Variants in ARMC9 observed in about 807,000 individuals in gnomAD.
ARMC9 encodes lisH domain-containing protein ARMC9.
ARMC9 carries 94 observed loss-of-function variants against 107.0 expected under a neutral mutation model. That is an observed-to-expected ratio of 0.88 (90% CI 0.74 to 1.04). ARMC9 has a LOEUF of 1.04. ARMC9 is among the 50% of genes least tolerant of loss of function. ARMC9 has a pLI of 0.00. For synonymous variants in ARMC9, 380 were observed against 396.9 expected, an observed-to-expected ratio of 0.96 and a Z score of 0.51; for missense variants, 942 against 1,030.1, an observed-to-expected ratio of 0.91 and a Z score of 1.17.
chr2:231,208,957 G>A (rs1038513408), intron 3 of ARMC9, among the ~76,000 whole-genome samples: 3 of 151,792 alleles, frequency 2.0e-5, no homozygotes, highest in Admixed American at 1.3e-4. Flanking sequence ...GCTGGAGTGC[G>A]GTGGTACGAT....
At chr2:231,298,910 G>C (rs1417545551) in intron 19 of ARMC9, among the ~76,000 whole-genome samples, 1 of 152,174 alleles carries the variant, frequency 6.6e-6, no homozygotes, top group East Asian at 1.9e-4. Context: ...CTCCAGCCTA[G>C]GCAACAAAGC....
At chr2:231,346,880 C>T (rs2044839136) in intron 21 of ARMC9, among the ~76,000 whole-genome samples, 1 of 152,138 alleles carries the variant, frequency 6.6e-6, no homozygotes, top group Non-Finnish European at 1.5e-5. Context: ...GAAGTAGCAA[C>T]AGGAACTAAT....
chr2:231,371,103 A>G (rs569059478), intron 24 of ARMC9: 1 of 472,630 alleles, frequency 2.1e-6, no homozygotes, highest in Non-Finnish European at 4.2e-6. Flanking sequence ...GAGGAGGTGC[A>G]GCAAATCCAG....
At chr2:231,269,479 G>A (rs1339581339) in intron 12 of ARMC9, among the ~76,000 whole-genome samples, 2 of 142,518 alleles carry the variant, frequency 1.4e-5, no homozygotes, top group African/African-American at 2.7e-5. Context: ...TCTGCCTCCT[G>A]GGTTCAAGCA....
chr2:231,361,159 C>T (rs768548356), intron 23 of ARMC9, among the ~76,000 whole-genome samples: 20 of 152,194 alleles, frequency 1.3e-4, no homozygotes, highest in Non-Finnish European at 2.4e-4. Context: ...AACTGCCAGG[C>T]GGACTTGTCC....
At position 231,291,383 on chromosome 2, in the gene ARMC9, A is replaced by C; in HGVS notation, c.1657A>C (p.Lys553Gln). 5 of 1,613,784 alleles carry C rather than the reference A, an allele frequency of 3.1e-6. No individual in the cohort carries two copies. Among genetic ancestry groups the C allele is most frequent in the Non-Finnish European group, 4.2e-6 (5 of 1,179,798 alleles). The change falls in exon 18 of 25, where the codon AAA becomes CAA. Residue 553 changes from lysine to glutamine, a missense_variant. Lys to Gln is a moderately conservative substitution (Grantham distance 53). Coordinates refer to ENST00000611582, the MANE Select transcript of ARMC9 (RefSeq NM_001352754.2). ...GGAAGACATCCTACGCTGCTTCATC[A>C]AAGAAGGCAATGCTGAAATGATCCG... is the stretch of plus-strand genomic sequence containing the variant. ...GMEDILRCFI[K>Q]EGNAEMIRQI...
rs571686949 is a variant in ARMC9 at position 231,234,647 on chromosome 2, A to G, written c.623-577A>G. ...GTCTCACTCTGTTGCCCAGTTGCCC[A>G]GGCTGGAGGACAGTGGCGCGATCTT... is the stretch of plus-strand genomic sequence containing the variant. On this transcript the variant is annotated intron_variant, in intron 7 of 24. Coordinates refer to ENST00000611582, the MANE Select transcript of ARMC9 (RefSeq NM_001352754.2). Among the ~76,000 whole-genome samples, 161 of 152,306 alleles carry G rather than the reference A, an allele frequency of 1.1e-3. 2 individuals carry two copies. The South Asian group carries it at 0.031, about 29-fold the overall frequency.
chr2:231,232,841 G>A (rs2035363010), intron 7 of ARMC9, among the ~76,000 whole-genome samples: 1 of 151,974 alleles, frequency 6.6e-6, no homozygotes, highest in Admixed American at 6.6e-5. Context: ...GATATTTTGG[G>A]TTTTTAATTA....
At chr2:231,309,040 C>G (rs2042191572) in intron 19 of ARMC9, among the ~76,000 whole-genome samples, 2 of 152,240 alleles carry the variant, frequency 1.3e-5, no homozygotes, top group South Asian at 4.1e-4. Context: ...TTAACCAAGT[C>G]AATAAAGAAA....
In ARMC9 at chr2:231,331,760, T is replaced by A. The variant is rs1729082; in HGVS notation, c.1774-33T>A. On this transcript the variant is annotated intron_variant, in intron 19 of 24. Coordinates refer to ENST00000611582, the MANE Select transcript of ARMC9 (RefSeq NM_001352754.2). ...CGCCTTGGGAGCTTGTGTCAGGGTG[T>A]CCATGGCATTCACCCCATGTCTCCT... 0.29 allele frequency: 458,120 copies of A among 1,580,694 alleles called. 67,742 individuals are homozygous for A. The highest frequency in any genetic ancestry group is 0.31 in the Middle Eastern group (1,861 of 5,998).
rs554468589 is a variant in ARMC9 at position 231,263,100 on chromosome 2, G to A, written c.1119+702G>A. 2.0e-5 allele frequency among the ~76,000 whole-genome samples: 3 copies of A among 152,280 alleles called. No individual in the cohort carries two copies. The East Asian group carries it at 5.8e-4, about 29-fold the overall frequency. ...ACCAAACTTCACTGGACAGGAGGAGGATCAGGATTTTGAATTTGGCACGTG... is the reference window on the plus strand; with the variant it reads ...ACCAAACTTCACTGGACAGGAGGAGAATCAGGATTTTGAATTTGGCACGTG... On this transcript the variant is annotated intron_variant, in intron 12 of 24. Transcript: ENST00000611582.
chr2:231,259,088 C>G lies in ARMC9; in HGVS notation c.1012C>G (p.Gln338Glu). ...TGACCGCTTGAAAGCCTTCTTGTTGCAGGCTCTGCGCTGGGTAGGTACCTT... is the reference window on the plus strand; with the variant it reads ...TGACCGCTTGAAAGCCTTCTTGTTGGAGGCTCTGCGCTGGGTAGGTACCTT... ...GSDRLKAFLL[Q>E]ALRWRLTTSH... is the part of the protein sequence containing the mutation. Residue 338 changes from glutamine to glutamate, a missense_variant, in exon 11 of 25, where the codon CAG becomes GAG. By Grantham distance (29) the Gln-to-Glu change is conservative. Transcript: ENST00000611582. 1 of 1,613,376 alleles carries G rather than the reference C, an allele frequency of 6.2e-7. No homozygotes were observed.
rs951579025 is a variant in ARMC9, at chr2:231,358,236, C to A, written c.2131+2302C>A. Among the ~76,000 whole-genome samples, 2 of 152,148 alleles carry A rather than the reference C, an allele frequency of 1.3e-5. No individual in the cohort carries two copies. The highest frequency in any genetic ancestry group is 1.5e-5 in the Non-Finnish European group (1 of 68,018). On this transcript the variant is annotated intron_variant, in intron 22 of 24. Coordinates refer to ENST00000611582, the MANE Select transcript of ARMC9 (RefSeq NM_001352754.2). The surrounding 1 kb of genome is among the most constrained non-coding windows in gnomAD (Gnocchi z 4.5). ...ACAGCAGGGAGTGGGCAGTGCTGGG[C>A]TGGGCATGGGCACCCCTGAGCCATG...
chr2:231,227,746 C>T (rs2034784015), intron 7 of ARMC9, among the ~76,000 whole-genome samples: 1 of 152,218 alleles, frequency 6.6e-6, no homozygotes, highest in Non-Finnish European at 1.5e-5. Flanking sequence ...TTGGGTTTGT[C>T]ACTCAAGATG....
intron 19 of ARMC9, among the ~76,000 whole-genome samples, chr2:231,298,630 G>C (rs1394288143): frequency 1.3e-5 from 2 of 152,148 alleles, no homozygotes; most frequent in African/African-American, 4.8e-5. Flanking sequence ...TCAGTTAGCT[G>C]CTTAGCAACT....
At chr2:231,354,834 G>C (rs75400388) in intron 21 of ARMC9, among the ~76,000 whole-genome samples, 1 of 152,216 alleles carries the variant, frequency 6.6e-6, no homozygotes, top group Non-Finnish European at 1.5e-5. Context: ...TTGCCTTACA[G>C]ATAACTGGAG....
At position 231,352,702 on chromosome 2, in the gene ARMC9, GATA is replaced by G. The variant is rs2045149612; in HGVS notation, c.1995-3095_1995-3093del. Among the ~76,000 whole-genome samples, 16 of 145,798 alleles carry G rather than the reference GATA, an allele frequency of 1.1e-4. No homozygotes were observed. The South Asian group carries it at 3.5e-3, about 32-fold the overall frequency. ...AGATAGATAGATAGATAGATAGATAGATAGATGATAGGTAGGTAGATAGATGGA... is the reference window on the plus strand; with the variant it reads ...AGATAGATAGATAGATAGATAGATAGGATGATAGGTAGGTAGATAGATGGA... On this transcript the variant is annotated intron_variant, in intron 21 of 24. Transcript: ENST00000611582.
chr2:231,261,643 A>G (rs546326912), intron 11 of ARMC9, among the ~76,000 whole-genome samples: 56 of 152,224 alleles, frequency 3.7e-4, no homozygotes, highest in African/African-American at 1.3e-3. Context: ...GTGCTGGTTA[A>G]TAGGCTGCCC....
intron 20 of ARMC9, among the ~76,000 whole-genome samples, chr2:231,340,093 A>G (rs1265567040): frequency 1.3e-5 from 2 of 152,238 alleles, no homozygotes; most frequent in African/African-American, 4.8e-5. Flanking sequence ...GCTCTCCTGC[A>G]GAAACGAAGG....
Sources: allele counts gnomAD v4.1 joint callset (sites outside exome capture counted in the v4.1 genomes callset), GRCh38; gene constraint gnomAD v4.1.1; non-coding constraint Gnocchi (gnomAD v3.1); transcripts MANE v1.5; gene names NCBI Gene and HGNC (gene_info 2026-07-23, HGNC 2026-07-21).